Variants in CPT1A observed in about 807,000 individuals in gnomAD.
CPT1A encodes carnitine palmitoyltransferase 1A.
A neutral mutation model predicts 100.8 loss-of-function variants in CPT1A; 64 were observed. That is an observed-to-expected ratio of 0.63 (90% CI 0.52 to 0.78). The LOEUF (loss-of-function observed/expected upper bound fraction) is 0.78. CPT1A is among the 30% of genes least tolerant of loss of function. The pLI is 0.00. For synonymous variants in CPT1A, 363 were observed against 396.0 expected (o/e 0.92, Z 0.99); for missense variants, 802 against 1,034.1 (o/e 0.78, Z 3.08).
At chr11:68,776,881 T>TA (rs1487562698) in intron 12 of CPT1A, among the ~76,000 whole-genome samples, 1 of 152,196 alleles carries the variant, frequency 6.6e-6, no homozygotes, top group Non-Finnish European at 1.5e-5. Context: ...ATATCTCAAC[T>TA]AAAAAAATTA....
At chr11:68,787,942 CAAAAAAA>C (rs58079850) in intron 9 of CPT1A, among the ~76,000 whole-genome samples, 3 of 45,666 alleles carry the variant, frequency 6.6e-5, no homozygotes, top group Non-Finnish European at 1.4e-4. Context: ...GACTCAGTCT[CAAAAAAA>C]AAAAAAAAAA....
At chr11:68,801,572 G>A (rs1324351498) in intron 5 of CPT1A, among the ~76,000 whole-genome samples, 2 of 151,758 alleles carry the variant, frequency 1.3e-5, no homozygotes, top group Non-Finnish European at 1.5e-5. Flanking sequence ...AGAGGCTGCA[G>A]TGAGCTGAGA....
chr11:68,790,718 A>C (rs1016285753), intron 9 of CPT1A, among the ~76,000 whole-genome samples: 9 of 152,240 alleles, frequency 5.9e-5, no homozygotes, highest in Non-Finnish European at 1.2e-4. Context: ...CAGCAGCCCC[A>C]GGAAACTGAC....
intron 4 of CPT1A, among the ~76,000 whole-genome samples, chr11:68,804,993 T>C (rs919001539): frequency 3.9e-5 from 6 of 152,202 alleles, no homozygotes; most frequent in Non-Finnish European, 2.9e-5. Flanking sequence ...TGCAGGGCAT[T>C]GGGACTCAGC....
At chr11:68,779,860 G>C (rs1302487850) in intron 12 of CPT1A, among the ~76,000 whole-genome samples, 1 of 151,080 alleles carries the variant, frequency 6.6e-6, no homozygotes, top group Non-Finnish European at 1.5e-5. Flanking sequence ...ACAGGGGTTT[G>C]TGGTTTTCAA....
intron 13 of CPT1A, chr11:68,773,642 C>T: frequency 1.4e-6 from 1 of 721,856 alleles, no homozygotes; most frequent in Non-Finnish European, 2.2e-6. Context: ...GGTAGCGGGT[C>T]TGACATGAGC....
chr11:68,816,726 T>C (rs967809130), intron 1 of CPT1A, among the ~76,000 whole-genome samples: 3 of 150,042 alleles, frequency 2.0e-5, no homozygotes, highest in African/African-American at 4.9e-5. Context: ...GAAAAAACTT[T>C]CAAGGACCAT....
rs186748671 is a variant in CPT1A, at chr11:68,756,199, C to T, written c.*1445G>A. 7 of 151,374 alleles carry T rather than the reference C, an allele frequency of 4.6e-5. No homozygotes were observed. Among genetic ancestry groups the T allele is most frequent in the Non-Finnish European group, 7.4e-5 (5 of 67,966 alleles). The allele number at this position is 151,374 out of a possible 1,614,324, so 9.4% of individuals were successfully genotyped here. ...AGTTCAGCCATCGCTGTTGTACTATCGGGGTGCAGCACTCTGAAGGAGTCA... is the reference window on the plus strand; with the variant it reads ...AGTTCAGCCATCGCTGTTGTACTATTGGGGTGCAGCACTCTGAAGGAGTCA... On this transcript the variant is annotated 3_prime_UTR_variant, in exon 19 of 19. Coordinates refer to ENST00000265641, the MANE Select transcript of CPT1A (RefSeq NM_001876.4).
chr11:68,812,375 A>G, intron 3 of CPT1A, 62 bp downstream of exon 3: 1 of 1,597,658 alleles, frequency 6.3e-7, no homozygotes, highest in Non-Finnish European at 8.6e-7. Context: ...TTGAAGAGAC[A>G]TAAAAACAGC....
intron 10 of CPT1A, among the ~76,000 whole-genome samples, chr11:68,783,859 G>A (rs539656263): frequency 1.6e-4 from 25 of 152,128 alleles, no homozygotes; most frequent in Non-Finnish European, 2.8e-4. Flanking sequence ...AACCAAGCTC[G>A]GGCTGATTCG....
chr11:68,816,342 G>A (rs1458608294), intron 1 of CPT1A, among the ~76,000 whole-genome samples: 4 of 152,172 alleles, frequency 2.6e-5, no homozygotes, highest in Non-Finnish European at 5.9e-5. Context: ...CTCAAGAATG[G>A]GTGTCCACAG....
At chr11:68,831,864 C>T (rs535568431) in intron 1 of CPT1A, among the ~76,000 whole-genome samples, 2 of 152,124 alleles carry the variant, frequency 1.3e-5, no homozygotes, top group African/African-American at 4.8e-5. Flanking sequence ...AACTCCTGAC[C>T]CCAAGCGATC....
At chr11:68,826,411 A>C (rs1330091663) in intron 1 of CPT1A, among the ~76,000 whole-genome samples, 2 of 146,030 alleles carry the variant, frequency 1.4e-5, no homozygotes, top group Non-Finnish European at 3.0e-5. Context: ...AGGCCACTGC[A>C]CTCCTAGGTG....
intron 12 of CPT1A, among the ~76,000 whole-genome samples, chr11:68,778,242 T>C (rs986043988): frequency 2.0e-5 from 3 of 151,682 alleles, no homozygotes; most frequent in Non-Finnish European, 4.4e-5. Context: ...TGGGAGAGGG[T>C]AGCAGGGCAG....
chr11:68,767,086 G>A (rs148693991), intron 14 of CPT1A, among the ~76,000 whole-genome samples: 118 of 152,304 alleles, frequency 7.7e-4, no homozygotes, highest in African/African-American at 2.7e-3. Flanking sequence ...GAGACTTCAC[G>A]TAATTTTCAC....
chr11:68,768,066 CTTTTT>C (rs71043448), intron 14 of CPT1A, among the ~76,000 whole-genome samples: 46 of 71,246 alleles, frequency 6.5e-4, no homozygotes, highest in South Asian at 2.6e-3. Flanking sequence ...AGTTTCCAGT[CTTTTT>C]TTTTTTTTTT....
At chr11:68,799,648 G>T (rs1441614959) in intron 5 of CPT1A, among the ~76,000 whole-genome samples, 1 of 151,586 alleles carries the variant, frequency 6.6e-6, no homozygotes, top group Non-Finnish European at 1.5e-5. Flanking sequence ...CCAGCTACCT[G>T]GGGGGCTGAG....
At chr11:68,842,035 G>A, upstream of CPT1A, 2 of 911,456 alleles carry the variant, frequency 2.2e-6, no homozygotes, top group Non-Finnish European at 2.6e-6. Flanking sequence ...GGAAACTGAG[G>A]CTCGAGCGGG....
intron 4 of CPT1A, among the ~76,000 whole-genome samples, chr11:68,804,615 A>G (rs1855994987): frequency 6.6e-6 from 1 of 152,212 alleles, no homozygotes; most frequent in Admixed American, 6.5e-5. Flanking sequence ...CAAACAAACC[A>G]AAAAACCAGG....
Sources: allele counts gnomAD v4.1 joint callset (sites outside exome capture counted in the v4.1 genomes callset), GRCh38; gene constraint gnomAD v4.1.1; transcripts MANE v1.5; gene names NCBI Gene and HGNC (gene_info 2026-07-23, HGNC 2026-07-21).